LRRTM4: variants seen among roughly 807,000 people sequenced by gnomAD.
The protein encoded by LRRTM4 is leucine-rich repeat transmembrane neuronal protein 4.
Under a neutral mutation model 47.6 loss-of-function variants are expected in LRRTM4, and 25 were observed. That is an observed-to-expected ratio of 0.53 (90% CI 0.38 to 0.73). The LOEUF is 0.73. Among genes scored for constraint, LRRTM4 ranks in the 30% least tolerant of loss-of-function variants. LRRTM4 has a pLI of 0.00. For missense variants in LRRTM4, 638 were observed against 713.4 expected (o/e 0.89, Z 1.20); for synonymous variants, 311 against 269.5 (o/e 1.15, Z -1.51).
At chr2:77,237,429 A>C (rs970050360) in intron 3 of LRRTM4, among the ~76,000 whole-genome samples, 2 of 151,576 alleles carry the variant, frequency 1.3e-5, no homozygotes, top group African/African-American at 4.8e-5. Flanking sequence ...GCTTATTTTG[A>C]TATTCTCTCT....
intron 3 of LRRTM4, among the ~76,000 whole-genome samples, chr2:76,763,528 C>T (rs923012447): frequency 2.6e-5 from 4 of 152,188 alleles, no homozygotes; most frequent in East Asian, 1.9e-4. Context: ...CTTGGACTTC[C>T]GGCTTCCAGA....
intron 3 of LRRTM4, among the ~76,000 whole-genome samples, chr2:76,857,537 C>T (rs1442738754): frequency 6.6e-6 from 1 of 151,758 alleles, no homozygotes; most frequent in Admixed American, 6.6e-5. Flanking sequence ...ACAACACTAA[C>T]CCCCTCATTG....
intron 3 of LRRTM4, among the ~76,000 whole-genome samples, chr2:76,974,648 G>A (rs917790891): frequency 6.6e-6 from 1 of 151,356 alleles, no homozygotes; most frequent in Non-Finnish European, 1.5e-5. Flanking sequence ...CACTACAAAG[G>A]ATATATTTTT....
Position 77,083,221 on chromosome 2 carries a change from G to A in LRRTM4, c.1552-334305C>T, listed in dbSNP as rs532850985. ...AGGACAAAGGCTACAAAATGCAGGAGAGATATTGTTAATGTCTTCAGTTTT... is the reference window on the plus strand; with the variant it reads ...AGGACAAAGGCTACAAAATGCAGGAAAGATATTGTTAATGTCTTCAGTTTT... On this transcript the variant is annotated intron_variant, in intron 3 of 3. Transcript: ENST00000409884. Among the ~76,000 whole-genome samples, 50 of 152,256 alleles carry A rather than the reference G, an allele frequency of 3.3e-4. No individual in the cohort carries two copies. The East Asian group carries it at 8.9e-3, about 27-fold the overall frequency.
At chr2:77,309,634 C>G (rs2104191919) in intron 3 of LRRTM4, among the ~76,000 whole-genome samples, 1 of 151,966 alleles carries the variant, frequency 6.6e-6, no homozygotes, top group South Asian at 2.1e-4. Context: ...AGCAACATGA[C>G]TGCAGTAGAA....
intron 3 of LRRTM4, among the ~76,000 whole-genome samples, chr2:77,479,469 T>TG (rs1171982871): frequency 1.1e-4 from 17 of 152,188 alleles, no homozygotes; most frequent in Non-Finnish European, 1.2e-4. Context: ...AAGCAAGTCG[T>TG]CAGGGTTTAC....
intron 3 of LRRTM4, among the ~76,000 whole-genome samples, chr2:76,856,723 T>C (rs561230683): frequency 7.9e-5 from 12 of 152,190 alleles, no homozygotes; most frequent in Non-Finnish European, 1.0e-4. Context: ...GAAAATATTT[T>C]CTTTCCCTTA....
chr2:77,357,900 T>A (rs1420871839), intron 3 of LRRTM4, among the ~76,000 whole-genome samples: 1 of 151,982 alleles, frequency 6.6e-6, no homozygotes. Flanking sequence ...CTCAGAGGGA[T>A]TCTTATTATT....
intron 3 of LRRTM4, among the ~76,000 whole-genome samples, chr2:76,865,234 A>G (rs1161607123): frequency 3.3e-5 from 5 of 152,088 alleles, no homozygotes; most frequent in African/African-American, 1.2e-4. Flanking sequence ...GTCCCTCCTG[A>G]TACTCACTTC....
intron 3 of LRRTM4, among the ~76,000 whole-genome samples, chr2:76,944,693 G>T (rs1675265335): frequency 6.6e-6 from 1 of 152,008 alleles, no homozygotes; most frequent in Non-Finnish European, 1.5e-5. Context: ...TAAAAGTATG[G>T]TCATATTTAT....
At chr2:76,883,353 C>A (rs1427294728) in intron 3 of LRRTM4, among the ~76,000 whole-genome samples, 1 of 152,114 alleles carries the variant, frequency 6.6e-6, no homozygotes, top group Non-Finnish European at 1.5e-5. Context: ...ATAGTAAATG[C>A]CCAATTAATG....
At chr2:77,143,944 T>TG (rs1672190654) in intron 3 of LRRTM4, among the ~76,000 whole-genome samples, 1 of 152,154 alleles carries the variant, frequency 6.6e-6, no homozygotes, top group Admixed American at 6.6e-5. Context: ...AACTTATTTT[T>TG]GGGGGACGGG....
intron 3 of LRRTM4, among the ~76,000 whole-genome samples, chr2:76,850,844 G>A (rs1432771429): frequency 6.6e-6 from 1 of 152,148 alleles, no homozygotes; most frequent in African/African-American, 2.4e-5. Flanking sequence ...AAATGAGAGG[G>A]AAAATAGAAA....
intron 3 of LRRTM4, among the ~76,000 whole-genome samples, chr2:77,433,558 T>C (rs1167424617): frequency 3.3e-5 from 5 of 152,060 alleles, no homozygotes; most frequent in African/African-American, 1.2e-4. Context: ...TGAAGTAGAG[T>C]GTGTAGGAAA....
At chr2:77,321,908 T>C (rs1471455995) in intron 3 of LRRTM4, among the ~76,000 whole-genome samples, 1 of 152,180 alleles carries the variant, frequency 6.6e-6, no homozygotes, top group Non-Finnish European at 1.5e-5. Flanking sequence ...TACATAGCTT[T>C]GTTGTGAATT....
chr2:77,316,901 G>A (rs1463334741), intron 3 of LRRTM4, among the ~76,000 whole-genome samples: 1 of 152,126 alleles, frequency 6.6e-6, no homozygotes, highest in Non-Finnish European at 1.5e-5. Flanking sequence ...TTTAAATTGT[G>A]CCTGCCTTGC....
intron 3 of LRRTM4, among the ~76,000 whole-genome samples, chr2:77,412,723 T>G (rs2103863145): frequency 6.6e-6 from 1 of 152,286 alleles, no homozygotes; most frequent in Admixed American, 6.5e-5. Context: ...CAATTTTCAA[T>G]ATTATTCCAC....
chr2:77,028,994 C>T (rs1678550528), intron 3 of LRRTM4, among the ~76,000 whole-genome samples: 1 of 149,410 alleles, frequency 6.7e-6, no homozygotes, highest in African/African-American at 2.5e-5. Flanking sequence ...AAGGTCACAC[C>T]ACTGCACTAT....
chr2:76,975,331 C>T (rs572651351), intron 3 of LRRTM4, among the ~76,000 whole-genome samples: 1 of 151,854 alleles, frequency 6.6e-6, no homozygotes, highest in South Asian at 2.1e-4. Context: ...GCTTCACTTG[C>T]TCACTATGGA....
Sources: allele counts gnomAD v4.1 joint callset (sites outside exome capture counted in the v4.1 genomes callset), GRCh38; gene constraint gnomAD v4.1.1; transcripts MANE v1.5; gene names NCBI Gene and HGNC (gene_info 2026-07-23, HGNC 2026-07-21).